The following CCR5AS variants were observed in gnomAD, a reference collection of about 807,000 sequenced individuals.
CCR5AS encodes CCR5 antisense RNA.
chr3:46,366,174 A>G lies in CCR5AS; in HGVS notation n.566-1129T>C, dbSNP rs564443256. 1.3e-4 allele frequency among the ~76,000 whole-genome samples: 20 copies of G among 152,328 alleles called. No individual in the cohort carries two copies. In the South Asian group the frequency reaches 3.9e-3, roughly 30 times the overall value. On this transcript the variant is annotated intron_variant and non_coding_transcript_variant, in intron 3 of 3. Transcript: ENST00000451485. ...TACAGGGCTGGTGCTGTCATCTTCT[A>G]GTAAGCCCTGGGAGAGGTGTCTGAG...
intron 2 of CCR5AS, among the ~76,000 whole-genome samples, chr3:46,384,878 TAGATAGATAGATAG>T (rs1559572459): frequency 6.6e-6 from 1 of 150,598 alleles, no homozygotes; most frequent in Non-Finnish European, 1.5e-5. Context: ...GATAGATAGA[TAGATAGATAGATAG>T]ATAGATAGAT....
intron 2 of CCR5AS, chr3:46,375,472 T>C (rs1399994393): frequency 1.2e-5 from 2 of 166,898 alleles, no homozygotes; most frequent in Non-Finnish European, 2.9e-5. Flanking sequence ...AGGGGTCCCA[T>C]AGAGGTGAGG....
At chr3:46,404,143 C>T (rs921876369) in intron 1 of CCR5AS, among the ~76,000 whole-genome samples, 1 of 152,102 alleles carries the variant, frequency 6.6e-6, no homozygotes, top group African/African-American at 2.4e-5. Flanking sequence ...AATATGTCTG[C>T]GTCTTCGGTA....
At chr3:46,373,893 G>A in intron 2 of CCR5AS, 1 of 1,610,716 alleles carries the variant, frequency 6.2e-7, no homozygotes, top group South Asian at 1.1e-5. Flanking sequence ...CCAGCAAGAG[G>A]CTCCCGAGCG....
At chr3:46,383,921 A>G (rs901441023) in intron 2 of CCR5AS, among the ~76,000 whole-genome samples, 4 of 152,204 alleles carry the variant, frequency 2.6e-5, no homozygotes, top group African/African-American at 9.7e-5. Context: ...TTTAGAGAGA[A>G]AAGCAAGCAA....
At chr3:46,365,677 G>T (rs920556409) in intron 3 of CCR5AS, among the ~76,000 whole-genome samples, 1 of 152,136 alleles carries the variant, frequency 6.6e-6, no homozygotes, top group African/African-American at 2.4e-5. Context: ...ACATCCAAGG[G>T]CCTAGATATG....
At chr3:46,367,869 G>A (rs768284400) in intron 3 of CCR5AS, among the ~76,000 whole-genome samples, 5 of 152,200 alleles carry the variant, frequency 3.3e-5, no homozygotes, top group Admixed American at 6.5e-5. Context: ...ACCGCACTTG[G>A]CCTAGACATT....
intron 2 of CCR5AS, chr3:46,372,782 T>A (rs1462510579): frequency 2.7e-6 from 2 of 737,220 alleles, no homozygotes; most frequent in Admixed American, 2.6e-5. Context: ...AATGTAGACA[T>A]CTATGTAGGC....
intron 2 of CCR5AS, among the ~76,000 whole-genome samples, chr3:46,384,608 G>A (rs1379569358): frequency 6.6e-6 from 1 of 152,158 alleles, no homozygotes; most frequent in African/African-American, 2.4e-5. Context: ...TCGGGATAAG[G>A]CTCTGAGAGC....
chr3:46,372,953 G>A (rs770002247), intron 2 of CCR5AS: 16 of 1,611,382 alleles, frequency 9.9e-6, no homozygotes, highest in South Asian at 2.2e-5. Context: ...ATTATACATC[G>A]GAGCCCTGCC....
intron 2 of CCR5AS, among the ~76,000 whole-genome samples, chr3:46,392,622 T>C (rs1372108972): frequency 6.6e-6 from 1 of 152,032 alleles, no homozygotes; most frequent in Non-Finnish European, 1.5e-5. Context: ...GGGTGAAAGA[T>C]CAAGGTAGGT....
At chr3:46,373,575 C>G in intron 2 of CCR5AS, 1 of 1,613,436 alleles carries the variant, frequency 6.2e-7, no homozygotes, top group Non-Finnish European at 8.5e-7. Context: ...GCTTCGGTGT[C>G]GAAATGAGAA....
intron 1 of CCR5AS, among the ~76,000 whole-genome samples, chr3:46,402,505 T>C (rs1201584947): frequency 6.6e-6 from 1 of 152,252 alleles, no homozygotes; most frequent in Non-Finnish European, 1.5e-5. Flanking sequence ...TTATAATGGC[T>C]ATTATGTGAG....
intron 2 of CCR5AS, among the ~76,000 whole-genome samples, chr3:46,371,644 T>C (rs1701661196): frequency 6.6e-6 from 1 of 152,176 alleles, no homozygotes; most frequent in Admixed American, 6.5e-5. Context: ...TTAAATAGAC[T>C]AGGCAAGACA....
chr3:46,399,571 GA>G (rs1332064557), intron 1 of CCR5AS, among the ~76,000 whole-genome samples: 1 of 152,150 alleles, frequency 6.6e-6, no homozygotes, highest in African/African-American at 2.4e-5. Flanking sequence ...TAATCTAATA[GA>G]GAGGAAAAAG....
chr3:46,404,923 CAGTGAT>C (rs1326912582), intron 1 of CCR5AS, among the ~76,000 whole-genome samples: 7 of 152,188 alleles, frequency 4.6e-5, no homozygotes, highest in African/African-American at 1.7e-4. Context: ...TGAGAGTATA[CAGTGAT>C]AGTTCCTTCG....
At chr3:46,385,713 C>T (rs1042158565) in intron 2 of CCR5AS, among the ~76,000 whole-genome samples, 15 of 151,982 alleles carry the variant, frequency 9.9e-5, no homozygotes, top group African/African-American at 3.4e-4. Flanking sequence ...GCCTGCACTT[C>T]CCTTTATTAT....
chr3:46,369,894 G>A, intron 3 of CCR5AS, among the ~76,000 whole-genome samples: 1 of 152,110 alleles, frequency 6.6e-6, no homozygotes, highest in East Asian at 1.9e-4. Flanking sequence ...TTTGCTGTTT[G>A]GGGTCTCATT....
At chr3:46,379,152 C>T (rs1701790348) in intron 2 of CCR5AS, among the ~76,000 whole-genome samples, 1 of 146,720 alleles carries the variant, frequency 6.8e-6, no homozygotes, top group Non-Finnish European at 1.5e-5. Flanking sequence ...GGTATATCTC[C>T]CAATGCTATC....
Sources: gnomAD v4.1 joint callset for allele counts (sites outside exome capture counted in the v4.1 genomes callset) on GRCh38, gnomAD v4.1.1 for gene constraint, MANE v1.5 for transcripts, NCBI Gene and HGNC (gene_info 2026-07-23, HGNC 2026-07-21) for gene names.